CSMD1: variants seen among roughly 807,000 people sequenced by gnomAD.
CSMD1 encodes the protein CUB and sushi domain-containing protein 1.
In CSMD1, 213 loss-of-function variants were observed where a neutral mutation model predicts 417.5. The ratio of observed to expected loss-of-function variants is 0.51; its 90% CI spans 0.46 to 0.57. CSMD1 has a LOEUF of 0.57. Among genes scored for constraint, CSMD1 ranks in the 20% least tolerant of loss-of-function variants. The pLI, the probability that CSMD1 is intolerant of heterozygous loss-of-function variation, is 0.00. For synonymous variants in CSMD1, 2,862 were observed against 1,736.8 expected (o/e 1.65, Z -16.11); for missense variants, 6,923 against 4,529.7 (o/e 1.53, Z -15.17).
intron 3 of CSMD1, among the ~76,000 whole-genome samples, chr8:4,033,791 T>C (rs1289009452): frequency 6.6e-6 from 1 of 152,226 alleles, no homozygotes; most frequent in Non-Finnish European, 1.5e-5. Context: ...CTTGATATGA[T>C]TCTCTATCTA....
chr8:4,142,927 G>A (rs71523609), intron 3 of CSMD1, among the ~76,000 whole-genome samples: 44,354 of 150,336 alleles, frequency 0.3, 8,321 homozygotes, highest in Non-Finnish European at 0.39. Context: ...GTCATATGTT[G>A]AAGTATTTGC....
intron 3 of CSMD1, among the ~76,000 whole-genome samples, chr8:4,153,278 C>G (rs1046858717): frequency 8.5e-5 from 13 of 152,176 alleles, no homozygotes. Flanking sequence ...GACAGAGTGT[C>G]CAAGTTTGAC....
At chr8:4,771,171 G>C (rs1458379119) in intron 1 of CSMD1, among the ~76,000 whole-genome samples, 1 of 152,186 alleles carries the variant, frequency 6.6e-6, no homozygotes, top group Non-Finnish European at 1.5e-5. Context: ...ACACAGAGAA[G>C]ACTGAGGCCC....
At chr8:4,826,948 G>C (rs573291222) in intron 1 of CSMD1, among the ~76,000 whole-genome samples, 2 of 152,146 alleles carry the variant, frequency 1.3e-5, no homozygotes, top group Admixed American at 6.6e-5. Context: ...ACCCTTGAGT[G>C]TAAGTTTGTG....
intron 3 of CSMD1, among the ~76,000 whole-genome samples, chr8:4,272,004 T>G (rs528607413): frequency 1.6e-4 from 24 of 152,294 alleles, no homozygotes; most frequent in Non-Finnish European, 2.9e-4. Context: ...TCCCCGTGAA[T>G]ACTCTATTTT....
At chr8:4,051,679 T>G (rs1389059645) in intron 3 of CSMD1, among the ~76,000 whole-genome samples, 1 of 152,006 alleles carries the variant, frequency 6.6e-6, no homozygotes. Flanking sequence ...TCTGTACTGA[T>G]CAAGGCCAAT....
chr8:4,866,439 T>G lies in CSMD1; in HGVS notation c.85+127893A>C, dbSNP rs76539353. Among the ~76,000 whole-genome samples, 1,211 of 152,134 alleles carry G rather than the reference T, an allele frequency of 8.0e-3. 34 individuals carry two copies. Among genetic ancestry groups the G allele is most frequent in the African/African-American group, 0.027 (1,133 of 41,512 alleles). On this transcript the variant is annotated intron_variant, in intron 1 of 69. Coordinates refer to ENST00000635120, the MANE Select transcript of CSMD1 (RefSeq NM_033225.6). ...TCTAAGATAATCTTGATAAAAGAAGTTTGTTCTATTCTCTTTTGTTTTTTT... is the reference window on the plus strand; with the variant it reads ...TCTAAGATAATCTTGATAAAAGAAGGTTGTTCTATTCTCTTTTGTTTTTTT...
chr8:4,308,858 G>A (rs892956076), intron 3 of CSMD1, among the ~76,000 whole-genome samples: 2 of 152,116 alleles, frequency 1.3e-5, no homozygotes, highest in Admixed American at 6.6e-5. Flanking sequence ...TCAAAGGCAT[G>A]TAATGATTAT....
intron 1 of CSMD1, among the ~76,000 whole-genome samples, chr8:4,858,611 T>C (rs921552328): frequency 6.9e-4 from 105 of 152,238 alleles, no homozygotes; most frequent in African/African-American, 2.4e-3. Context: ...AGCATTCTTA[T>C]ACACCAACAA....
intron 1 of CSMD1, among the ~76,000 whole-genome samples, chr8:4,941,692 T>C (rs932473886): frequency 2.6e-5 from 4 of 152,080 alleles, no homozygotes; most frequent in East Asian, 1.9e-4. Context: ...TCGATCCCTC[T>C]AGCTCAAGCA....
intron 3 of CSMD1, among the ~76,000 whole-genome samples, chr8:4,165,975 A>G (rs971237391): frequency 6.6e-6 from 1 of 152,218 alleles, no homozygotes; most frequent in African/African-American, 2.4e-5. Flanking sequence ...AGTAATAACA[A>G]TTGAAACAAA....
At chr8:4,349,842 T>C (rs1337693806) in intron 3 of CSMD1, among the ~76,000 whole-genome samples, 1 of 151,350 alleles carries the variant, frequency 6.6e-6, no homozygotes, top group Non-Finnish European at 1.5e-5. Context: ...TTTTTAAGTT[T>C]AGGTTACTTT....
chr8:3,900,127 A>G (rs1807629975), intron 5 of CSMD1, among the ~76,000 whole-genome samples: 1 of 152,084 alleles, frequency 6.6e-6, no homozygotes, highest in African/African-American at 2.4e-5. Context: ...GCTGGGTGAC[A>G]CTGCAGCTGG....
At chr8:3,570,344 T>C (rs17066413) in intron 10 of CSMD1, among the ~76,000 whole-genome samples, 1,936 of 152,358 alleles carry the variant, frequency 0.013, 51 homozygotes, top group African/African-American at 0.044. Context: ...TCTTCCTGGC[T>C]TCTAGATATT....
intron 1 of CSMD1, among the ~76,000 whole-genome samples, chr8:4,954,962 T>C (rs1808990611): frequency 6.6e-6 from 1 of 152,222 alleles, no homozygotes; most frequent in Admixed American, 6.5e-5. Context: ...CTTTTATCTT[T>C]TAGAATGTTC....
At chr8:3,738,750 G>C (rs903722119) in intron 6 of CSMD1, among the ~76,000 whole-genome samples, 14 of 152,186 alleles carry the variant, frequency 9.2e-5, no homozygotes, top group African/African-American at 3.1e-4. Flanking sequence ...GACAAATTCA[G>C]AGTAACGTAA....
In CSMD1 at chr8:3,407,927, A is replaced by T; in HGVS notation, c.2043T>A (p.Thr681=). The stretch of plus-strand genomic sequence containing the variant: ...TGTAAGTGATGTTGAACCCTCTGCC[A>T]GTAGTGGAATGGTCAGACTGAAATT... ...RLEFQSDHST[T]GRGFNITYTT... The change falls in exon 14 of 70, where the codon ACT becomes ACA. Residue 681 remains threonine, a synonymous_variant. Transcript: ENST00000635120. The T allele has an allele frequency of 6.2e-7, 1 of 1,612,466 alleles. No homozygotes were observed. Among genetic ancestry groups the T allele is most frequent in the Non-Finnish European group, 8.5e-7 (1 of 1,178,832 alleles).
At chr8:2,992,200 CAT>C (rs1419600744) in intron 54 of CSMD1, among the ~76,000 whole-genome samples, 8 of 89,706 alleles carry the variant, frequency 8.9e-5, no homozygotes, top group African/African-American at 1.2e-4. Flanking sequence ...TGCACACATA[CAT>C]ACACACATGC....
At chr8:3,930,609 A>C (rs1810073425) in intron 5 of CSMD1, among the ~76,000 whole-genome samples, 1 of 150,326 alleles carries the variant, frequency 6.7e-6, no homozygotes, top group Non-Finnish European at 1.5e-5. Context: ...GGGACACAGC[A>C]GTAGGGTGGC....
Sources: allele counts gnomAD v4.1 joint callset (sites outside exome capture counted in the v4.1 genomes callset), GRCh38; gene constraint gnomAD v4.1.1; transcripts MANE v1.5; gene names NCBI Gene and HGNC (gene_info 2026-07-23, HGNC 2026-07-21).